Variants in LAMA3 observed in about 807,000 individuals in gnomAD.
LAMA3 encodes the protein laminin subunit alpha 3, also known as laminin subunit alpha-3.
A neutral mutation model predicts 402.0 loss-of-function variants in LAMA3; 281 were observed. The ratio of observed to expected loss-of-function variants is 0.70; its 90% CI spans 0.63 to 0.77. The LOEUF (loss-of-function observed/expected upper bound fraction) is 0.77. Ranked by LOEUF, LAMA3 falls within the 30% of genes least tolerant of loss-of-function variation. The probability of loss-of-function intolerance (pLI) is 0.00; values close to 1 mark genes in which losing one functional copy is unlikely to be tolerated. For missense variants in LAMA3, 3,840 were observed against 4,215.5 expected (o/e 0.91, Z 2.47); for synonymous variants, 1,431 against 1,558.4 (o/e 0.92, Z 1.93).
chr18:23,835,282 A>T (rs1250974743), intron 24 of LAMA3, among the ~76,000 whole-genome samples: 1 of 152,230 alleles, frequency 6.6e-6, no homozygotes, highest in Non-Finnish European at 1.5e-5. Context: ...TGCTCAGGAT[A>T]CAAAGTGGAG....
chr18:23,944,006 G>C (rs769339618), intron 69 of LAMA3, 35 bp downstream of exon 69: 1 of 1,599,876 alleles, frequency 6.3e-7, no homozygotes, highest in Non-Finnish European at 8.6e-7. Flanking sequence ...TCTCCAGTTG[G>C]TGTGGAATTC....
At chr18:23,731,360 A>G (rs2061392364) in intron 2 of LAMA3, among the ~76,000 whole-genome samples, 1 of 152,156 alleles carries the variant, frequency 6.6e-6, no homozygotes, top group Non-Finnish European at 1.5e-5. Flanking sequence ...CCTCCCACCC[A>G]CATTGTACTT....
intron 7 of LAMA3, among the ~76,000 whole-genome samples, chr18:23,759,613 G>A (rs2143695376): frequency 6.6e-6 from 1 of 152,292 alleles, no homozygotes; most frequent in South Asian, 2.1e-4. Flanking sequence ...CGCCATGTTG[G>A]CCAGGCTGGT....
chr18:23,840,275 A>G (rs193042502), intron 27 of LAMA3, among the ~76,000 whole-genome samples: 1 of 151,108 alleles, frequency 6.6e-6, no homozygotes, highest in Admixed American at 6.6e-5. Flanking sequence ...GTGATAGCTT[A>G]TATTTTTGTG....
rs1395066513 is a variant in LAMA3, at chr18:23,901,208, A to G, written c.6086A>G (p.Asn2029Ser). ...GCTAACAGTATCCGGGATTCTTTAA[A>G]TGAATACGAAGCCAAACTCAGTGAC... Reference protein sequence around the residue: ...GLANSIRDSLNEYEAKLSDLR... With the variant: ...GLANSIRDSLSEYEAKLSDLR... The change falls in exon 48 of 75, where the codon AAT (asparagine) becomes AGT (serine). Residue 2029 changes from asparagine (N) to serine (S), a missense_variant. Coordinates refer to ENST00000313654, the MANE Select transcript of LAMA3 (RefSeq NM_198129.4). 6.2e-7 allele frequency: 1 copy of G among 1,614,210 alleles called. No individual in the cohort carries two copies. Among genetic ancestry groups the G allele is most frequent in the Non-Finnish European group, 8.5e-7 (1 of 1,180,032 alleles).
At chr18:23,905,647 G>A (rs1214693014) in intron 52 of LAMA3, 23 bp downstream of exon 52, 5 of 1,374,764 alleles carry the variant, frequency 3.6e-6, no homozygotes, top group Admixed American at 1.7e-5. Flanking sequence ...GTGGGCAATG[G>A]CAGGGATAGT....
At chr18:23,730,506 T>G (rs2061376138) in intron 2 of LAMA3, among the ~76,000 whole-genome samples, 1 of 152,032 alleles carries the variant, frequency 6.6e-6, no homozygotes, top group Non-Finnish European at 1.5e-5. Flanking sequence ...TAGCCGGGAT[T>G]ACAGGCACCC....
chr18:23,738,390 C>T (rs934309718), intron 2 of LAMA3, among the ~76,000 whole-genome samples: 7 of 151,950 alleles, frequency 4.6e-5, no homozygotes, highest in African/African-American at 1.7e-4. Context: ...GAAGAAGGAG[C>T]GGATGTGCAG....
chr18:23,785,502 A>G (rs2062526416), intron 12 of LAMA3, among the ~76,000 whole-genome samples: 1 of 152,150 alleles, frequency 6.6e-6, no homozygotes, highest in Non-Finnish European at 1.5e-5. Flanking sequence ...CTCATAATTC[A>G]TTGTTGTGAG....
chr18:23,858,895 C>A, intron 34 of LAMA3, 66 bp downstream of exon 34: 1 of 1,479,560 alleles, frequency 6.8e-7, no homozygotes, highest in Non-Finnish European at 9.4e-7. Context: ...TAAGCATATC[C>A]CTCGCTGCTC....
rs1475637550 is a variant in LAMA3 at position 23,907,592 on chromosome 18, T to C, written c.6761T>C (p.Ile2254Thr). 1.2e-6 allele frequency: 2 copies of C among 1,614,128 alleles called. No individual in the cohort carries two copies. The highest frequency in any genetic ancestry group is 8.5e-7 in the Non-Finnish European group (1 of 1,179,958). ...AACAACCTACAGCAAACCCTGAATA[T>C]TGTGACAGTTCAGAAAGAAGTGATA... ...ALNNLQQTLNIVTVQKEVIDT... is the reference protein window; with the variant it reads ...ALNNLQQTLNTVTVQKEVIDT... Residue 2254 changes from isoleucine to threonine, a missense_variant, in exon 53 of 75, where the codon ATT (isoleucine) becomes ACT (threonine). Around this residue, in one of 3 missense-constraint regions of LAMA3, gnomAD observed 891 missense variants for 857.5 expected, o/e 1.04. Transcript: ENST00000313654.
intron 2 of LAMA3, among the ~76,000 whole-genome samples, chr18:23,715,487 G>C (rs570030236): frequency 6.6e-6 from 1 of 152,278 alleles, no homozygotes; most frequent in South Asian, 2.1e-4. Flanking sequence ...GGGAAATTAA[G>C]AGAGAATGTG....
chr18:23,791,570 A>G (rs1885842777), intron 12 of LAMA3, among the ~76,000 whole-genome samples: 1 of 151,740 alleles, frequency 6.6e-6, no homozygotes, highest in Non-Finnish European at 1.5e-5. Flanking sequence ...TGTCTCTACT[A>G]AAAAAATACA....
chr18:23,894,393 T>A (rs201109815), intron 43 of LAMA3, 45 bp downstream of exon 43: 1 of 1,540,368 alleles, frequency 6.5e-7, no homozygotes, highest in African/African-American at 1.4e-5. Context: ...GTTGTGGGGT[T>A]TGGTTTAAGA....
intron 2 of LAMA3, among the ~76,000 whole-genome samples, chr18:23,722,316 T>C (rs1337043770): frequency 6.6e-6 from 1 of 152,194 alleles, no homozygotes; most frequent in Non-Finnish European, 1.5e-5. Flanking sequence ...TGTTTCTGTT[T>C]ACTCAGAGGC....
At chr18:23,777,150 G>A (rs2062339336) in intron 10 of LAMA3, among the ~76,000 whole-genome samples, 1 of 151,628 alleles carries the variant, frequency 6.6e-6, no homozygotes, top group South Asian at 2.1e-4. Flanking sequence ...TGCCTTTTTA[G>A]TGAAAAGAAG....
rs533571545 is a variant in LAMA3, at chr18:23,751,027, C to T, written c.794C>T (p.Thr265Ile). Residue 265 changes from threonine to isoleucine, a missense_variant, in exon 5 of 75, where the codon ACC becomes ATC. Physicochemically the swap from Thr to Ile is moderately conservative, Grantham distance 89. Coordinates refer to ENST00000313654, the MANE Select transcript of LAMA3 (RefSeq NM_198129.4). ...ATNIRLRFLR[T>I]NTLLGHLISK... ...AACATCCGCTTGCGTTTTCTTAGAA[C>T]CAATACGCTTCTTGGACACCTCATC... The T allele has an allele frequency of 6.2e-7, 1 of 1,614,142 alleles. No homozygotes were observed.
intron 15 of LAMA3, 125 bp downstream of exon 15, chr18:23,814,627 T>A: frequency 1.5e-6 from 1 of 689,516 alleles, no homozygotes; most frequent in South Asian, 1.7e-5. Flanking sequence ...TTCTATGTAA[T>A]GTTCTGATGT....
chr18:23,713,248 C>G (rs1184855335), intron 1 of LAMA3, among the ~76,000 whole-genome samples: 1 of 152,174 alleles, frequency 6.6e-6, no homozygotes, highest in African/African-American at 2.4e-5. Context: ...TGCTTGCCCT[C>G]AAAGGTGAAA....
Sources: allele counts gnomAD v4.1 joint callset (sites outside exome capture counted in the v4.1 genomes callset), GRCh38; gene constraint gnomAD v4.1.1; regional missense constraint gnomAD v4.1.1; transcripts MANE v1.5; gene names NCBI Gene and HGNC (gene_info 2026-07-23, HGNC 2026-07-21).